The following NBDY variants were observed in gnomAD, a reference collection of about 807,000 sequenced individuals.
The protein encoded by NBDY is P-body dissociating protein.
At chrX:56,752,875 T>G (rs1471537367) in intron 2 of NBDY, among the ~76,000 whole-genome samples, 1 of 111,603 alleles carries the variant, frequency 9.0e-6, no homozygotes, top group Non-Finnish European at 1.9e-5. Context: ...CCTCCCAAAG[T>G]GCTAGGATTA....
chrX:56,794,440 T>A (rs1281025682), intron 2 of NBDY, among the ~76,000 whole-genome samples: 1 of 111,607 alleles, frequency 9.0e-6, no homozygotes, highest in Non-Finnish European at 1.9e-5. Flanking sequence ...AAAGAAACTG[T>A]CCAAGGAGTA....
chrX:56,801,121 G>A (rs1298985840), intron 2 of NBDY, among the ~76,000 whole-genome samples: 1 of 111,159 alleles, frequency 9.0e-6, no homozygotes, highest in African/African-American at 3.3e-5. Flanking sequence ...GATACCACTC[G>A]GAAAAGAACC....
At chrX:56,789,349 TG>T (rs1415349803) in intron 2 of NBDY, among the ~76,000 whole-genome samples, 1 of 110,621 alleles carries the variant, frequency 9.0e-6, no homozygotes, top group African/African-American at 3.3e-5. Flanking sequence ...TGTGTCATGG[TG>T]GGGGTAGGTT....
chrX:56,788,615 C>CTT (rs372313716), intron 2 of NBDY, among the ~76,000 whole-genome samples: 3 of 104,318 alleles, frequency 2.9e-5, no homozygotes, highest in African/African-American at 6.9e-5. Context: ...CCCGTAGCTC[C>CTT]TTTTTTTTTT....
At chrX:56,787,287 TAAAC>T (rs1438225187) in intron 2 of NBDY, among the ~76,000 whole-genome samples, 1 of 109,190 alleles carries the variant, frequency 9.2e-6, no homozygotes, top group South Asian at 4.0e-4. Context: ...ACACACACGT[TAAAC>T]AAGCCCAAGC....
chrX:56,801,307 T>A (rs1339715174), intron 2 of NBDY, among the ~76,000 whole-genome samples: 1 of 111,166 alleles, frequency 9.0e-6, no homozygotes, highest in Non-Finnish European at 1.9e-5. Flanking sequence ...TGGTTCTTCT[T>A]CCTCTTCCTC....
chrX:56,747,251 C>G (rs781452902), intron 2 of NBDY, among the ~76,000 whole-genome samples: 46 of 111,953 alleles, frequency 4.1e-4, no homozygotes, highest in African/African-American at 1.4e-3. Context: ...CCAAGGAGTT[C>G]ATAAACTGGT....
chrX:56,788,362 G>T (rs1380633681), intron 2 of NBDY, among the ~76,000 whole-genome samples: 2 of 113,232 alleles, frequency 1.8e-5, no homozygotes, highest in Non-Finnish European at 3.7e-5. Context: ...TCTGGAAATG[G>T]GAGGGAGCTG....
At chrX:56,784,536 C>G (rs2069715726) in intron 2 of NBDY, among the ~76,000 whole-genome samples, 1 of 111,903 alleles carries the variant, frequency 8.9e-6, no homozygotes, top group African/African-American at 3.3e-5. Context: ...GTTATTTGCC[C>G]CGGCATCTTG....
chrX:56,746,189 G>A (rs1204890070), intron 2 of NBDY, among the ~76,000 whole-genome samples: 2 of 111,248 alleles, frequency 1.8e-5, no homozygotes, highest in African/African-American at 6.5e-5. Context: ...CAACTCAATA[G>A]GGAATAAAGT....
rs1282113470 is a variant in NBDY, at chrX:56,729,268, C to T, written c.-86C>T. The T allele has an allele frequency of 3.4e-6, 1 of 295,192 alleles. No individual in the cohort carries two copies. The highest frequency in any genetic ancestry group is 5.9e-6 in the Non-Finnish European group (1 of 169,207). 24.3% of individuals were successfully genotyped at this position (295,192 alleles called of 1,213,427 possible). A position where few individuals can be genotyped will look rare whatever the true frequency, so the allele number is the denominator to read the frequency against. On this transcript the variant is annotated 5_prime_UTR_variant, in exon 1 of 3. Coordinates refer to ENST00000374922, the MANE Select transcript of NBDY (RefSeq NM_001348129.2). ...GAAACAGGAGGAAGCCAGCTCTGTGCCTGGAGGGGACTCGCCGCCATCTCA... is the reference window on the plus strand; with the variant it reads ...GAAACAGGAGGAAGCCAGCTCTGTGTCTGGAGGGGACTCGCCGCCATCTCA...
intron 2 of NBDY, among the ~76,000 whole-genome samples, chrX:56,813,446 C>T (rs913958269): frequency 2.7e-5 from 3 of 111,076 alleles, no homozygotes; most frequent in Admixed American, 9.6e-5. Flanking sequence ...CCCACTCTCA[C>T]TCACACAGGC....
At chrX:56,791,127 T>A (rs777064176) in intron 2 of NBDY, among the ~76,000 whole-genome samples, 22 of 112,737 alleles carry the variant, frequency 2.0e-4, no homozygotes, top group Admixed American at 1.4e-3. Flanking sequence ...TGTTTCTCCG[T>A]GTACATTTGG....
chrX:56,787,090 C>G (rs1347245338), intron 2 of NBDY, among the ~76,000 whole-genome samples: 1 of 111,308 alleles, frequency 9.0e-6, no homozygotes, highest in Non-Finnish European at 1.9e-5. Flanking sequence ...CATGTGAACA[C>G]ATTGATCCGG....
At chrX:56,796,030 C>A (rs1214246820) in intron 2 of NBDY, among the ~76,000 whole-genome samples, 3 of 111,855 alleles carry the variant, frequency 2.7e-5, no homozygotes, top group African/African-American at 9.8e-5. Flanking sequence ...CACCTTCATT[C>A]ACACCTGTGT....
intron 2 of NBDY, among the ~76,000 whole-genome samples, chrX:56,790,319 C>T (rs1167577278): frequency 1.8e-5 from 2 of 112,184 alleles, no homozygotes; most frequent in African/African-American, 6.5e-5. Context: ...TGTGAACAAG[C>T]AGAGCTTCAT....
At chrX:56,752,188 A>G (rs1307508005) in intron 2 of NBDY, among the ~76,000 whole-genome samples, 1 of 112,249 alleles carries the variant, frequency 8.9e-6, no homozygotes, top group Non-Finnish European at 1.9e-5. Flanking sequence ...TCTTTTTGGT[A>G]TAATGATCTA....
chrX:56,783,249 G>A (rs1039015162), intron 2 of NBDY, among the ~76,000 whole-genome samples: 1 of 112,762 alleles, frequency 8.9e-6, no homozygotes. Flanking sequence ...CAGTCGGGGC[G>A]GCCAGCCATG....
intron 2 of NBDY, among the ~76,000 whole-genome samples, chrX:56,749,549 C>T (rs1318692146): frequency 9.0e-6 from 1 of 111,649 alleles, no homozygotes; most frequent in Non-Finnish European, 1.9e-5. Flanking sequence ...TAACAACACA[C>T]ATGCATCAGT....
Sources: allele counts gnomAD v4.1 joint callset (sites outside exome capture counted in the v4.1 genomes callset), GRCh38; gene constraint gnomAD v4.1.1; transcripts MANE v1.5; gene names NCBI Gene and HGNC (gene_info 2026-07-23, HGNC 2026-07-21).